IL16: variants seen among roughly 807,000 people sequenced by gnomAD.
IL16 encodes pro-interleukin-16.
IL16 carries 67 observed loss-of-function variants against 110.1 expected under a neutral mutation model. That is an observed-to-expected ratio of 0.61 (90% CI 0.50 to 0.75). The LOEUF is 0.75. Among genes scored for constraint, IL16 ranks in the 30% least tolerant of loss-of-function variants. The pLI, the probability that IL16 is intolerant of heterozygous loss-of-function variation, is 0.00. For synonymous variants in IL16, 689 were observed against 662.9 expected, an observed-to-expected ratio of 1.04 and a Z score of -0.61; for missense variants, 1,545 against 1,655.0, an observed-to-expected ratio of 0.93 and a Z score of 1.15.
intron 8 of IL16, among the ~76,000 whole-genome samples, chr15:81,281,225 A>G (rs1233685601): frequency 6.6e-6 from 1 of 152,192 alleles, no homozygotes; most frequent in Admixed American, 6.5e-5. Flanking sequence ...TGCTGGGAGG[A>G]CCAGCATGAG....
chr15:81,201,001 C>T (rs1895790785), intron 1 of IL16, among the ~76,000 whole-genome samples: 1 of 152,174 alleles, frequency 6.6e-6, no homozygotes, highest in Non-Finnish European at 1.5e-5. Flanking sequence ...ATGGTTGTAG[C>T]CAACTCCAGC....
Position 81,313,417 on chromosome 15 carries a change from A to G in IL16, c.*4619A>G, listed in dbSNP as rs768868417. ...TTGGTGGGTTCCCTGTGAAGGCAAC[A>G]GCAGAGCTGTGTTATGATCTGCAGC... On this transcript the variant is annotated 3_prime_UTR_variant, in exon 19 of 19. Coordinates refer to ENST00000683961, the MANE Select transcript of IL16 (RefSeq NM_172217.5). 6.5e-7 allele frequency: 1 copy of G among 1,527,818 alleles called. No homozygotes were observed. Among genetic ancestry groups the G allele is most frequent in the Non-Finnish European group, 8.8e-7 (1 of 1,134,748 alleles). 94.6% of individuals were successfully genotyped at this position (1,527,818 alleles called of 1,614,324 possible). A position where few individuals can be genotyped will look rare whatever the true frequency, so the allele number is the denominator to read the frequency against.
chr15:81,222,430 G>C (rs1179173121), intron 1 of IL16, among the ~76,000 whole-genome samples: 5 of 150,536 alleles, frequency 3.3e-5, no homozygotes, highest in Admixed American at 3.3e-4. Context: ...TAACTGCATA[G>C]GTCAATGCAG....
chr15:81,224,612 C>T (rs973406142), intron 1 of IL16, among the ~76,000 whole-genome samples: 6 of 152,234 alleles, frequency 3.9e-5, no homozygotes, highest in African/African-American at 1.4e-4. Flanking sequence ...CTGTTATGTG[C>T]TCATCCCTTT....
intron 1 of IL16, among the ~76,000 whole-genome samples, chr15:81,189,061 C>A (rs1895458794): frequency 2.6e-5 from 4 of 151,966 alleles, no homozygotes; most frequent in Non-Finnish European, 4.4e-5. Context: ...TTAAGCAATC[C>A]TCCCGCCTCA....
intron 2 of IL16, among the ~76,000 whole-genome samples, chr15:81,259,351 G>A (rs529856309): frequency 2.2e-4 from 34 of 152,252 alleles, no homozygotes; most frequent in African/African-American, 7.7e-4. Flanking sequence ...TTTCTTCAGA[G>A]CACTTATCAT....
upstream of IL16, among the ~76,000 whole-genome samples, chr15:81,195,741 G>A (rs1566988602): frequency 6.6e-6 from 1 of 152,180 alleles, no homozygotes; most frequent in Non-Finnish European, 1.5e-5. Flanking sequence ...TTCTTTAGAA[G>A]AGAGGTCCAT....
intron 1 of IL16, among the ~76,000 whole-genome samples, chr15:81,224,965 C>T (rs566600305): frequency 3.9e-5 from 6 of 152,270 alleles, no homozygotes; most frequent in African/African-American, 1.4e-4. Flanking sequence ...CTCTAAGATC[C>T]CTAAACTGTC....
rs1191718549 is a variant in IL16 at position 81,306,052 on chromosome 15, A to G, written c.3565A>G (p.Arg1189Gly). Residue 1189 changes from arginine (R) to glycine (G), a missense_variant, in exon 17 of 19, where the codon AGG becomes GGG. Physicochemically the swap from Arg to Gly is moderately radical, Grantham distance 125 (BLOSUM62 -2). This residue lies in a region of IL16 where 356 missense variants were observed against 399.3 expected (regional missense o/e 0.89). Transcript: ENST00000683961. ...LAILRQAREP[R>G]QAVIVTRKLT... ...CATCCTCCGCCAAGCTCGAGAGCCC[A>G]GGCAAGCTGTGATTGTCACAAGGAA... 4 of 1,614,222 alleles carry G rather than the reference A, an allele frequency of 2.5e-6. No homozygotes were observed. The highest frequency in any genetic ancestry group is 2.5e-6 in the Non-Finnish European group (3 of 1,180,040).
At chr15:81,222,704 C>T (rs1264107274) in intron 1 of IL16, among the ~76,000 whole-genome samples, 1 of 151,498 alleles carries the variant, frequency 6.6e-6, no homozygotes, top group Non-Finnish European at 1.5e-5. Flanking sequence ...TTTCCAAATG[C>T]CTAATGGACC....
At chr15:81,281,541 A>G (rs1025008465) in intron 8 of IL16, among the ~76,000 whole-genome samples, 3 of 152,364 alleles carry the variant, frequency 2.0e-5, no homozygotes, top group East Asian at 1.9e-4. Flanking sequence ...TCGCTGGGAT[A>G]GTCCCAGACA....
chr15:81,196,366 T>C (rs1160119084), upstream of IL16, among the ~76,000 whole-genome samples: 1 of 152,246 alleles, frequency 6.6e-6, no homozygotes, highest in Non-Finnish European at 1.5e-5. Flanking sequence ...ATTTACCAGA[T>C]TGATGGCAGG....
At chr15:81,190,118 C>T (rs1895477102) in intron 1 of IL16, among the ~76,000 whole-genome samples, 1 of 152,210 alleles carries the variant, frequency 6.6e-6, no homozygotes, top group South Asian at 2.1e-4. Context: ...ACTGCCTCCA[C>T]ACCCTTGTAA....
chr15:81,194,605 T>C (rs1305989435), upstream of IL16, among the ~76,000 whole-genome samples: 2 of 152,084 alleles, frequency 1.3e-5, no homozygotes, highest in Admixed American at 1.3e-4. Context: ...AATTAAAAAA[T>C]AGGAGAATTA....
At chr15:81,231,703 GT>G (rs1171154494) in intron 2 of IL16, among the ~76,000 whole-genome samples, 1 of 152,080 alleles carries the variant, frequency 6.6e-6, no homozygotes, top group Non-Finnish European at 1.5e-5. Flanking sequence ...ATTTCCTCAT[GT>G]TTTTTCTAGA....
intron 1 of IL16, among the ~76,000 whole-genome samples, chr15:81,210,136 T>G (rs1896183886): frequency 6.6e-6 from 1 of 152,208 alleles, no homozygotes; most frequent in South Asian, 2.1e-4. Flanking sequence ...CTTTCCCCAT[T>G]GCTGGTTTTT....
chr15:81,234,275 G>T (rs1488718789), intron 2 of IL16, among the ~76,000 whole-genome samples: 3 of 151,918 alleles, frequency 2.0e-5, no homozygotes, highest in Admixed American at 6.6e-5. Context: ...GATGTGTTTG[G>T]ATCTATGTGT....
chr15:81,274,838 A>AT (rs1898822894), intron 6 of IL16, among the ~76,000 whole-genome samples: 1 of 152,142 alleles, frequency 6.6e-6, no homozygotes, highest in African/African-American at 2.4e-5. Context: ...ACACATACAG[A>AT]TTTTAGGGTG....
chr15:81,290,815 C>T (rs1457321762), intron 11 of IL16, among the ~76,000 whole-genome samples: 1 of 152,130 alleles, frequency 6.6e-6, no homozygotes, highest in Admixed American at 6.5e-5. Context: ...TCCACCGTTC[C>T]CTTTATCCTG....
Sources: allele counts gnomAD v4.1 joint callset (sites outside exome capture counted in the v4.1 genomes callset), GRCh38; gene constraint gnomAD v4.1.1; regional missense constraint gnomAD v4.1.1; transcripts MANE v1.5; gene names NCBI Gene and HGNC (gene_info 2026-07-23, HGNC 2026-07-21).